TBC1D5: variants seen among roughly 807,000 people sequenced by gnomAD.
The protein encoded by TBC1D5 is TBC1 domain family, member 5.
A neutral mutation model predicts 100.3 loss-of-function variants in TBC1D5; 75 were observed. The observed-to-expected ratio is 0.75, with a 90% CI of 0.62 to 0.91. The LOEUF (loss-of-function observed/expected upper bound fraction) is 0.91, where lower values mean the gene tolerates loss of function less well. TBC1D5 is among the 40% of genes least tolerant of loss of function. TBC1D5 has a pLI of 0.00. For missense variants in TBC1D5, 910 were observed against 942.4 expected, an observed-to-expected ratio of 0.97 and a Z score of 0.45; for synonymous variants, 323 against 325.6, an observed-to-expected ratio of 0.99 and a Z score of 0.09.
chr3:17,549,288 G>A (rs778027011), intron 2 of TBC1D5, among the ~76,000 whole-genome samples: 10 of 152,090 alleles, frequency 6.6e-5, no homozygotes, highest in Non-Finnish European at 1.0e-4. Context: ...GCAAGAGAGC[G>A]ACACTCCATC....
intron 13 of TBC1D5, among the ~76,000 whole-genome samples, chr3:17,333,722 C>G (rs895429): frequency 0.98 from 149,399 of 152,178 alleles, 73,350 homozygotes; most frequent in Middle Eastern, 1. Context: ...TGGAAGGGGA[C>G]CAAGTGAGGA....
chr3:17,507,609 AAC>A (rs1432362651), intron 3 of TBC1D5, among the ~76,000 whole-genome samples: 1 of 152,220 alleles, frequency 6.6e-6, no homozygotes, highest in African/African-American at 2.4e-5. Context: ...TGAAGAAAAT[AAC>A]ACACATGATT....
chr3:17,556,895 AAAG>A (rs1447372129), intron 2 of TBC1D5, among the ~76,000 whole-genome samples: 1 of 152,228 alleles, frequency 6.6e-6, no homozygotes, highest in Non-Finnish European at 1.5e-5. Flanking sequence ...ATAAAAGGAT[AAAG>A]AAGTAGAAGA....
chr3:17,321,003 AT>A (rs918546884), intron 13 of TBC1D5, among the ~76,000 whole-genome samples: 12 of 152,256 alleles, frequency 7.9e-5, no homozygotes, highest in Admixed American at 3.3e-4. Flanking sequence ...ACTCCTGGCT[AT>A]ACTTAAATGT....
intron 17 of TBC1D5, among the ~76,000 whole-genome samples, chr3:17,218,425 T>C (rs2073904172): frequency 6.6e-6 from 1 of 152,004 alleles, no homozygotes; most frequent in Non-Finnish European, 1.5e-5. Context: ...AGTACTGCCA[T>C]ATTAACAATA....
chr3:17,589,009 GTAAACA>G (rs1159540512), intron 2 of TBC1D5, among the ~76,000 whole-genome samples: 1 of 152,068 alleles, frequency 6.6e-6, no homozygotes, highest in East Asian at 1.9e-4. Flanking sequence ...ATTCCACATA[GTAAACA>G]TAAATTTGTA....
At chr3:17,244,346 C>G (rs896134035) in intron 16 of TBC1D5, among the ~76,000 whole-genome samples, 4 of 152,122 alleles carry the variant, frequency 2.6e-5, no homozygotes, top group African/African-American at 9.7e-5. Context: ...ACAAAAGGAC[C>G]AAATAAGAGG....
chr3:17,180,916 C>CAAAAAAAAA (rs76797012), intron 19 of TBC1D5, among the ~76,000 whole-genome samples: 1 of 96,180 alleles, frequency 1.0e-5, no homozygotes, highest in Non-Finnish European at 2.2e-5. Context: ...ACATTTACAC[C>CAAAAAAAAA]AAAAAAAAAA....
chr3:17,372,346 T>C (rs2092509127), intron 12 of TBC1D5, 99 bp from the exon 13 acceptor site: 2 of 1,128,672 alleles, frequency 1.8e-6, no homozygotes, highest in Admixed American at 2.8e-5. Context: ...AGAAGTCTTA[T>C]TATCTGCCTA....
At chr3:17,729,016 TAAAAAA>T (rs34461809) in intron 1 of TBC1D5, among the ~76,000 whole-genome samples, 6 of 29,604 alleles carry the variant, frequency 2.0e-4, no homozygotes, top group African/African-American at 2.3e-4. Flanking sequence ...TGAAAATCAG[TAAAAAA>T]AAAAAAAAAA....
At chr3:17,538,558 C>A (rs1012885274) in intron 2 of TBC1D5, among the ~76,000 whole-genome samples, 19 of 152,194 alleles carry the variant, frequency 1.2e-4, no homozygotes, top group African/African-American at 4.3e-4. Flanking sequence ...TTAACAAATT[C>A]TCACTCCTGT....
At chr3:17,257,373 G>A (rs952273110) in intron 16 of TBC1D5, among the ~76,000 whole-genome samples, 1 of 152,178 alleles carries the variant, frequency 6.6e-6, no homozygotes, top group African/African-American at 2.4e-5. Flanking sequence ...CATCTCCTGT[G>A]TTTAAAATAA....
intron 8 of TBC1D5, among the ~76,000 whole-genome samples, chr3:17,385,882 A>G (rs1188273906): frequency 6.6e-6 from 1 of 152,094 alleles, no homozygotes; most frequent in Non-Finnish European, 1.5e-5. Context: ...AAAGAAGAGA[A>G]AAAGTAACCT....
intron 3 of TBC1D5, among the ~76,000 whole-genome samples, chr3:17,455,468 GTGTATATATA>G (rs1329810362): frequency 5.1e-4 from 74 of 145,894 alleles, no homozygotes; most frequent in African/African-American, 1.6e-3. Flanking sequence ...GTATATATAT[GTGTATATATA>G]TGTATATATA....
At chr3:17,398,846 T>C (rs1026378430) in intron 8 of TBC1D5, among the ~76,000 whole-genome samples, 16 of 152,030 alleles carry the variant, frequency 1.1e-4, no homozygotes, top group African/African-American at 2.9e-4. Context: ...TATAAATGTA[T>C]TGAATACACT....
In TBC1D5 at chr3:17,508,455, A is replaced by G. The variant is rs771145893; in HGVS notation, c.97+19T>C. ...TCCCAGTACACTACCTACAAATAGTATTGGCATACAAAACTCACCTCCAGA... is the reference window on the plus strand; with the variant it reads ...TCCCAGTACACTACCTACAAATAGTGTTGGCATACAAAACTCACCTCCAGA... On this transcript the variant is annotated intron_variant, in intron 3 of 21. Coordinates refer to ENST00000253692, the Ensembl canonical transcript of TBC1D5. 6.3e-7 allele frequency: 1 copy of G among 1,588,258 alleles called. No homozygotes were observed. Among genetic ancestry groups the G allele is most frequent in the Non-Finnish European group, 8.6e-7 (1 of 1,157,390 alleles).
rs981671388 is a variant in TBC1D5 at position 17,466,522 on chromosome 3, C to T, written c.98-38003G>A. On this transcript the variant is annotated intron_variant, in intron 3 of 21. Coordinates refer to ENST00000253692, the Ensembl canonical transcript of TBC1D5. ...ACTTACAATTATTTCATGTCTATTT[C>T]TCTTTTCTACTTACTTATTTCCTCT... Among the ~76,000 whole-genome samples the T allele has an allele frequency of 2.0e-5, 3 of 152,284 alleles. No individual in the cohort carries two copies. In the South Asian group the frequency reaches 6.2e-4, roughly 32 times the overall value.
intron 2 of TBC1D5, among the ~76,000 whole-genome samples, chr3:17,593,836 T>C (rs1224933632): frequency 6.6e-6 from 1 of 152,186 alleles, no homozygotes; most frequent in African/African-American, 2.4e-5. Flanking sequence ...TAGGTGACAA[T>C]ACTTTGCAAG....
intron 2 of TBC1D5, among the ~76,000 whole-genome samples, chr3:17,576,170 C>T (rs1400805247): frequency 1.3e-5 from 2 of 151,950 alleles, no homozygotes; most frequent in East Asian, 1.9e-4. Flanking sequence ...AAAGGAAACA[C>T]GTACACGTGT....
Sources: allele counts gnomAD v4.1 joint callset (sites outside exome capture counted in the v4.1 genomes callset), GRCh38; gene constraint gnomAD v4.1.1; transcripts MANE v1.5; gene names NCBI Gene and HGNC (gene_info 2026-07-23, HGNC 2026-07-21).